The following AOAH variants were observed in gnomAD, a reference collection of about 807,000 sequenced individuals.
AOAH encodes the protein acyloxyacyl hydrolase, also known as acyloxyacyl hydrolase (neutrophil).
AOAH carries 64 observed loss-of-function variants against 92.2 expected under a neutral mutation model. The ratio of observed to expected loss-of-function variants is 0.69; its 90% confidence interval spans 0.57 to 0.86. The LOEUF (loss-of-function observed/expected upper bound fraction) is 0.86. Among genes scored for constraint, AOAH ranks in the 40% least tolerant of loss-of-function variants. The pLI is 0.00. For synonymous variants in AOAH, 263 were observed against 254.5 expected, an observed-to-expected ratio of 1.03 and a Z score of -0.32; for missense variants, 656 against 694.6, an observed-to-expected ratio of 0.94 and a Z score of 0.62.
chr7:36,549,896 G>A (rs1189757518), intron 13 of AOAH, among the ~76,000 whole-genome samples: 2 of 152,190 alleles, frequency 1.3e-5, no homozygotes, highest in African/African-American at 4.8e-5. Flanking sequence ...TCCTTGGAGA[G>A]CCCCATTTAA....
At chr7:36,648,909 TA>T (rs1446359345) in intron 4 of AOAH, among the ~76,000 whole-genome samples, 2 of 152,020 alleles carry the variant, frequency 1.3e-5, no homozygotes, top group Non-Finnish European at 2.9e-5. Context: ...CTCAGATGTT[TA>T]AAGGGGAACT....
chr7:36,603,205 T>C (rs1790729876), intron 11 of AOAH, among the ~76,000 whole-genome samples: 1 of 152,054 alleles, frequency 6.6e-6, no homozygotes, highest in Non-Finnish European at 1.5e-5. Context: ...TGCAGGCTAC[T>C]GTAGCTATTC....
At chr7:36,523,631 T>TTTG (rs1271284946) in intron 19 of AOAH, among the ~76,000 whole-genome samples, 4 of 137,930 alleles carry the variant, frequency 2.9e-5, no homozygotes, top group East Asian at 2.1e-4. Flanking sequence ...TTTTGCCTGT[T>TTTG]TTTTTTTTTT....
At chr7:36,698,082 C>T (rs1014950401) in intron 1 of AOAH, among the ~76,000 whole-genome samples, 9 of 152,148 alleles carry the variant, frequency 5.9e-5, no homozygotes, top group African/African-American at 1.4e-4. Context: ...CCCTAGGAAA[C>T]GAATACAATT....
intron 5 of AOAH, among the ~76,000 whole-genome samples, chr7:36,634,473 G>A (rs900812179): frequency 5.9e-5 from 9 of 152,024 alleles, no homozygotes; most frequent in Non-Finnish European, 1.2e-4. Context: ...ACCCTCTCAC[G>A]CGCATCACTT....
At chr7:36,686,225 G>A (rs919274010) in intron 2 of AOAH, among the ~76,000 whole-genome samples, 1 of 152,142 alleles carries the variant, frequency 6.6e-6, no homozygotes, top group Non-Finnish European at 1.5e-5. Flanking sequence ...TTAATGAAAT[G>A]TTCTAGATTA....
At chr7:36,573,368 C>A (rs561021486) in intron 13 of AOAH, among the ~76,000 whole-genome samples, 4 of 152,298 alleles carry the variant, frequency 2.6e-5, no homozygotes, top group African/African-American at 9.6e-5. Flanking sequence ...CATTCCTAAC[C>A]CCTGCACCAG....
At chr7:36,524,502 TAAA>T (rs11309945) in intron 19 of AOAH, among the ~76,000 whole-genome samples, 1 of 136,670 alleles carries the variant, frequency 7.3e-6, no homozygotes, top group African/African-American at 2.7e-5. Flanking sequence ...AAAGAAAACC[TAAA>T]AAAAAAAAAA....
chr7:36,587,447 G>A (rs189047123), intron 12 of AOAH, among the ~76,000 whole-genome samples: 3 of 152,208 alleles, frequency 2.0e-5, no homozygotes, highest in Admixed American at 2.0e-4. Context: ...TTAGTTGCAA[G>A]GTGGAAGCTG....
intron 1 of AOAH, among the ~76,000 whole-genome samples, chr7:36,720,794 C>T (rs984244852): frequency 7.3e-3 from 89 of 12,262 alleles, no homozygotes; most frequent in Admixed American, 0.013. Flanking sequence ...ATCTGTGTAT[C>T]CCTGCTCTCG....
intron 1 of AOAH, among the ~76,000 whole-genome samples, chr7:36,707,232 C>G (rs1276001763): frequency 6.6e-6 from 1 of 151,790 alleles, no homozygotes; most frequent in Non-Finnish European, 1.5e-5. Context: ...ATTGTTTTGT[C>G]TCAGGGAATA....
chr7:36,709,519 G>A (rs116608686), intron 1 of AOAH, among the ~76,000 whole-genome samples: 233 of 152,204 alleles, frequency 1.5e-3, no homozygotes, highest in African/African-American at 5.4e-3. Context: ...TTTATACTTA[G>A]TCTTTTGCAC....
intron 3 of AOAH, among the ~76,000 whole-genome samples, chr7:36,667,828 T>C (rs539865152): frequency 7.2e-4 from 110 of 152,382 alleles, no homozygotes; most frequent in Non-Finnish European, 1.2e-3. Flanking sequence ...CCTGATAACT[T>C]TCCTCACTTT....
At chr7:36,687,047 A>G (rs1009562253) in intron 1 of AOAH, among the ~76,000 whole-genome samples, 2 of 152,214 alleles carry the variant, frequency 1.3e-5, no homozygotes, top group Non-Finnish European at 2.9e-5. Context: ...AGATGGCTGC[A>G]GAATAGGATT....
intron 6 of AOAH, among the ~76,000 whole-genome samples, chr7:36,630,239 A>G (rs1042777903): frequency 2.0e-5 from 3 of 152,186 alleles, no homozygotes; most frequent in Non-Finnish European, 4.4e-5. Flanking sequence ...TAAGCCACCC[A>G]GTTTGTGGTG....
At chr7:36,557,859 T>C (rs1338143817) in intron 13 of AOAH, among the ~76,000 whole-genome samples, 1 of 151,862 alleles carries the variant, frequency 6.6e-6, no homozygotes, top group African/African-American at 2.4e-5. Flanking sequence ...CACTTCTCTG[T>C]ATTGGTTATT....
chr7:36,689,856 C>T (rs1797276361), intron 1 of AOAH, among the ~76,000 whole-genome samples: 1 of 152,120 alleles, frequency 6.6e-6, no homozygotes, highest in African/African-American at 2.4e-5. Context: ...GAATTGAAAA[C>T]CAACAATAGT....
At chr7:36,577,299 G>T (rs1346232162) in intron 12 of AOAH, among the ~76,000 whole-genome samples, 1 of 152,112 alleles carries the variant, frequency 6.6e-6, no homozygotes, top group African/African-American at 2.4e-5. Flanking sequence ...TGATTGAATG[G>T]TGATTCTGGT....
At chr7:36,556,981 T>G (rs915534543) in intron 13 of AOAH, among the ~76,000 whole-genome samples, 13 of 151,900 alleles carry the variant, frequency 8.6e-5, no homozygotes, top group Admixed American at 3.9e-4. Flanking sequence ...TTAGTCCATT[T>G]ACATTTAAAG....
Sources: gnomAD v4.1 joint callset for allele counts (sites outside exome capture counted in the v4.1 genomes callset) on GRCh38, gnomAD v4.1.1 for gene constraint, MANE v1.5 for transcripts, NCBI Gene and HGNC (gene_info 2026-07-23, HGNC 2026-07-21) for gene names.